RGS7: variants seen among roughly 807,000 people sequenced by gnomAD.
The protein encoded by RGS7 is regulator of G-protein signaling 7.
Under a neutral mutation model 81.1 loss-of-function variants are expected in RGS7, and 27 were observed. The observed-to-expected ratio is 0.33, with a 90% CI of 0.25 to 0.46. The LOEUF (loss-of-function observed/expected upper bound fraction) is 0.46, where lower values mean the gene tolerates loss of function less well. Ranked by LOEUF, RGS7 falls within the 20% of genes least tolerant of loss-of-function variation. RGS7 has a pLI of 1.00. For synonymous variants in RGS7, 208 were observed against 207.7 expected (o/e 1.00, Z -0.01); for missense variants, 396 against 607.4 (o/e 0.65, Z 3.66).
intron 4 of RGS7, among the ~76,000 whole-genome samples, chr1:240,940,016 G>A (rs969614887): frequency 3.9e-5 from 6 of 152,142 alleles, no homozygotes; most frequent in African/African-American, 1.4e-4. Flanking sequence ...GGAGGTGGAG[G>A]TTGTAGTTAG....
intron 3 of RGS7, among the ~76,000 whole-genome samples, chr1:241,089,886 C>T (rs887936891): frequency 6.0e-5 from 9 of 150,330 alleles, no homozygotes; most frequent in Non-Finnish European, 1.2e-4. Flanking sequence ...CCCAGCTACT[C>T]GGGAGGCTGA....
intron 4 of RGS7, among the ~76,000 whole-genome samples, chr1:240,959,810 C>T (rs1303126857): frequency 6.6e-6 from 1 of 152,080 alleles, no homozygotes; most frequent in Non-Finnish European, 1.5e-5. Flanking sequence ...TTATTTCAAC[C>T]TACCAGTCCA....
chr1:240,880,402 T>C (rs1426734042), intron 6 of RGS7, among the ~76,000 whole-genome samples: 1 of 152,220 alleles, frequency 6.6e-6, no homozygotes, highest in African/African-American at 2.4e-5. Context: ...TAAGTGAGGC[T>C]GCTACACTGG....
intron 3 of RGS7, among the ~76,000 whole-genome samples, chr1:241,086,869 T>G (rs2063481753): frequency 6.6e-6 from 1 of 152,146 alleles, no homozygotes; most frequent in Admixed American, 6.5e-5. Context: ...TTCGAGCTGT[T>G]GCACAGGCGC....
rs554622778 is a variant in RGS7 at position 241,078,885 on chromosome 1, T to G, written c.175+19781A>C. Among the ~76,000 whole-genome samples, 3 of 152,218 alleles carry G rather than the reference T, an allele frequency of 2.0e-5. No homozygotes were observed. The South Asian group carries it at 6.2e-4, about 32-fold the overall frequency. On this transcript the variant is annotated intron_variant, in intron 3 of 18. Transcript: ENST00000440928. ...ATGTTCTCATTTGCAACGGGAGAAATGGCACGAAAATCCAGGCCCCTCTAC... is the reference window on the plus strand; with the variant it reads ...ATGTTCTCATTTGCAACGGGAGAAAGGGCACGAAAATCCAGGCCCCTCTAC...
In RGS7 at chr1:240,868,068, A is replaced by G. The variant is rs537653245; in HGVS notation, c.609+519T>C. On this transcript the variant is annotated intron_variant, in intron 9 of 18. Transcript: ENST00000440928. The surrounding 1 kb of genome is among the most constrained non-coding windows in gnomAD (Gnocchi z 5.1). ...GAAAGAAAGAAAGAAAGAAAAGAAG[A>G]GAAAAGAAAGAAAGAAAAAGAAAGA... Among the ~76,000 whole-genome samples the G allele has an allele frequency of 2.7e-5, 4 of 150,504 alleles. No individual in the cohort carries two copies. Among genetic ancestry groups the G allele is most frequent in the Non-Finnish European group, 5.9e-5 (4 of 67,682 alleles).
rs1427810541 is a variant in RGS7 at position 241,086,404 on chromosome 1, C to G, written c.175+12262G>C. Among the ~76,000 whole-genome samples the G allele has an allele frequency of 7.9e-5, 12 of 152,212 alleles. No individual in the cohort carries two copies. In the East Asian group the frequency reaches 1.9e-3, roughly 25 times the overall value. ...CTTCTCCCTTAACTCACCTGCCCCC[C>G]TCACTTCCCGCACCACCACCCCTAA... On this transcript the variant is annotated intron_variant, in intron 3 of 18. Coordinates refer to ENST00000440928, the MANE Select transcript of RGS7 (RefSeq NM_001364886.1).
intron 3 of RGS7, among the ~76,000 whole-genome samples, chr1:240,996,916 A>G (rs563192991): frequency 6.6e-6 from 1 of 151,868 alleles, no homozygotes; most frequent in South Asian, 2.1e-4. Flanking sequence ...GATTGCATTA[A>G]TATTTTTTAA....
chr1:241,104,319 T>C (rs1203314483), intron 2 of RGS7, among the ~76,000 whole-genome samples: 1 of 152,196 alleles, frequency 6.6e-6, no homozygotes, highest in Non-Finnish European at 1.5e-5. Flanking sequence ...CAATAAATTG[T>C]CAAGCAATAA....
chr1:240,857,682 C>T (rs181280116), intron 9 of RGS7, among the ~76,000 whole-genome samples: 2 of 152,148 alleles, frequency 1.3e-5, no homozygotes, highest in East Asian at 3.9e-4. Flanking sequence ...ATTTAAAGTC[C>T]TTCCATGTCT....
chr1:241,188,146 A>G (rs975891687), intron 2 of RGS7, among the ~76,000 whole-genome samples: 1 of 118,446 alleles, frequency 8.4e-6, no homozygotes, highest in African/African-American at 2.6e-5. Context: ...CCAAATTACC[A>G]TAACTTGATC....
At chr1:240,883,573 T>C (rs1666807492) in intron 6 of RGS7, among the ~76,000 whole-genome samples, 1 of 152,114 alleles carries the variant, frequency 6.6e-6, no homozygotes, top group Non-Finnish European at 1.5e-5. Flanking sequence ...AGCCCTCAAA[T>C]CAATAACTCA....
intron 2 of RGS7, among the ~76,000 whole-genome samples, chr1:241,127,570 G>A (rs6696739): frequency 0.47 from 71,788 of 151,626 alleles, 21,536 homozygotes; most frequent in African/African-American, 0.85. Flanking sequence ...GAGGGATAGC[G>A]TTAGGAGATA....
At chr1:241,345,196 G>A (rs1309855919) in intron 2 of RGS7, among the ~76,000 whole-genome samples, 1 of 152,182 alleles carries the variant, frequency 6.6e-6, no homozygotes, top group African/African-American at 2.4e-5. Flanking sequence ...AGAACACATG[G>A]ACACATAGAA....
intron 3 of RGS7, among the ~76,000 whole-genome samples, chr1:241,016,815 T>C (rs1396220759): frequency 6.6e-6 from 1 of 152,174 alleles, no homozygotes; most frequent in Admixed American, 6.6e-5. Flanking sequence ...GCTTATACTA[T>C]TCACATTTAA....
At chr1:241,350,789 C>T (rs949435898) in intron 2 of RGS7, among the ~76,000 whole-genome samples, 20 of 147,180 alleles carry the variant, frequency 1.4e-4, no homozygotes, top group African/African-American at 4.3e-4. Flanking sequence ...TTTTTCACGA[C>T]GGGGATTTCG....
intron 2 of RGS7, among the ~76,000 whole-genome samples, chr1:241,122,868 G>C (rs1032993214): frequency 9.2e-5 from 14 of 152,082 alleles, no homozygotes; most frequent in African/African-American, 3.1e-4. Context: ...TGATCATATG[G>C]GTAGTCAAAA....
chr1:241,175,205 A>C (rs2071039304), intron 2 of RGS7, among the ~76,000 whole-genome samples: 1 of 152,170 alleles, frequency 6.6e-6, no homozygotes, highest in Non-Finnish European at 1.5e-5. Flanking sequence ...CCTGGCTCAC[A>C]GAAAATCTTA....
intron 2 of RGS7, among the ~76,000 whole-genome samples, chr1:241,205,993 G>C (rs75105306): frequency 1.3e-5 from 2 of 151,154 alleles, no homozygotes; most frequent in Non-Finnish European, 2.9e-5. Context: ...CAGTAATTTC[G>C]TAAGTGTTTT....
Sources: gnomAD v4.1 joint callset for allele counts (sites outside exome capture counted in the v4.1 genomes callset) on GRCh38, gnomAD v4.1.1 for gene constraint, Gnocchi (gnomAD v3.1) non-coding constraint, MANE v1.5 for transcripts, NCBI Gene and HGNC (gene_info 2026-07-23, HGNC 2026-07-21) for gene names.